The following LARGE1 variants were observed in gnomAD, a reference collection of about 807,000 sequenced individuals.
LARGE1 encodes xylosyl- and glucuronyltransferase LARGE1.
LARGE1 carries 43 observed loss-of-function variants against 87.6 expected under a neutral mutation model. The ratio of observed to expected loss-of-function variants is 0.49; its 90% CI spans 0.38 to 0.63. LARGE1 has a LOEUF of 0.63. Ranked by LOEUF, LARGE1 falls within the 30% of genes least tolerant of loss-of-function variation. The pLI, the probability that LARGE1 is intolerant of heterozygous loss-of-function variation, is 0.00. For missense variants in LARGE1, 802 were observed against 1,000.2 expected (o/e 0.80, Z 2.67); for synonymous variants, 434 against 394.6 (o/e 1.10, Z -1.18).
In LARGE1 at chr22:33,503,777, C is replaced by T. The variant is rs553997327; in HGVS notation, c.787+61071G>A. Reference sequence around the variant, plus strand: ...TCGCATCACTGCACTCTAGCCTGGGCGACAGAGCAAGACTCTGTCTCAAAA... The same window carrying T: ...TCGCATCACTGCACTCTAGCCTGGGTGACAGAGCAAGACTCTGTCTCAAAA... On this transcript the variant is annotated intron_variant, in intron 6 of 14. Transcript: ENST00000397394. 2.1e-3 allele frequency among the ~76,000 whole-genome samples: 324 copies of T among 151,622 alleles called. 3 individuals are homozygous for T. Among genetic ancestry groups the T allele is most frequent in the African/African-American group, 7.6e-3 (313 of 41,368 alleles).
At chr22:33,495,986 G>T (rs186903955) in intron 6 of LARGE1, among the ~76,000 whole-genome samples, 5 of 152,236 alleles carry the variant, frequency 3.3e-5, no homozygotes, top group African/African-American at 1.2e-4. Flanking sequence ...ATAAAGGGAA[G>T]TTATTAAGGA....
chr22:33,691,312 G>C (rs1009597056), intron 2 of LARGE1, among the ~76,000 whole-genome samples: 1 of 152,010 alleles, frequency 6.6e-6, no homozygotes, highest in Non-Finnish European at 1.5e-5. Context: ...TACTCGTCAG[G>C]AGAAATGGTT....
At chr22:33,191,407 G>A (rs552495252) in intron 11 of LARGE1, among the ~76,000 whole-genome samples, 3 of 152,290 alleles carry the variant, frequency 2.0e-5, no homozygotes, top group East Asian at 3.9e-4. Flanking sequence ...GGAGCGGTGC[G>A]CCCAGGAACT....
At chr22:33,676,750 T>C (rs2081592365) in intron 2 of LARGE1, among the ~76,000 whole-genome samples, 1 of 152,176 alleles carries the variant, frequency 6.6e-6, no homozygotes, top group Non-Finnish European at 1.5e-5. Context: ...TGGGCCAAAA[T>C]ACTCAGTGGT....
At chr22:33,416,141 T>C (rs2066477429) in intron 7 of LARGE1, among the ~76,000 whole-genome samples, 1 of 152,140 alleles carries the variant, frequency 6.6e-6, no homozygotes, top group African/African-American at 2.4e-5. Flanking sequence ...ACCCAAAATG[T>C]GACAAAGGGA....
chr22:33,703,789 G>C (rs2082472372), intron 2 of LARGE1, among the ~76,000 whole-genome samples: 1 of 152,244 alleles, frequency 6.6e-6, no homozygotes, highest in Non-Finnish European at 1.5e-5. Flanking sequence ...CAGTGAGACT[G>C]ATTTTGGACT....
At chr22:33,607,190 C>T (rs1602684807) in intron 4 of LARGE1, among the ~76,000 whole-genome samples, 2 of 151,972 alleles carry the variant, frequency 1.3e-5, no homozygotes, top group African/African-American at 4.8e-5. Context: ...GGCCAGGTGC[C>T]GTGGCTCATA....
chr22:33,432,562 A>ATCATTCATTCATTCAT (rs10626676), intron 6 of LARGE1, among the ~76,000 whole-genome samples: 11 of 150,432 alleles, frequency 7.3e-5, no homozygotes, highest in African/African-American at 2.7e-4. Flanking sequence ...AGAATCCCAA[A>ATCATTCATTCATTCAT]TCATTCATTC....
intron 2 of LARGE1, among the ~76,000 whole-genome samples, chr22:33,653,572 T>C (rs1602997300): frequency 6.6e-6 from 1 of 152,148 alleles, no homozygotes; most frequent in Non-Finnish European, 1.5e-5. Flanking sequence ...TTTTTTCTTC[T>C]GTGAAATGGG....
chr22:33,668,957 A>G (rs1424916672), intron 2 of LARGE1, among the ~76,000 whole-genome samples: 1 of 152,222 alleles, frequency 6.6e-6, no homozygotes, highest in Non-Finnish European at 1.5e-5. Context: ...CAGCACTCAC[A>G]AGGACCCTTC....
intron 6 of LARGE1, among the ~76,000 whole-genome samples, chr22:33,446,835 G>T (rs2067704551): frequency 1.3e-5 from 2 of 152,306 alleles, no homozygotes; most frequent in Non-Finnish European, 2.9e-5. Flanking sequence ...AGTGTCCCTT[G>T]GAGTTGAGTG....
chr22:33,282,827 C>T (rs1019334872), intron 13 of LARGE1, among the ~76,000 whole-genome samples: 1 of 152,198 alleles, frequency 6.6e-6, no homozygotes, highest in South Asian at 2.1e-4. Flanking sequence ...ACCTACCAGA[C>T]GAATGAATGG....
chr22:33,607,108 G>A (rs1028659251), intron 4 of LARGE1, among the ~76,000 whole-genome samples: 6 of 152,148 alleles, frequency 3.9e-5, no homozygotes, highest in African/African-American at 1.2e-4. Flanking sequence ...GAGGGGAACA[G>A]ATGTAGACAT....
the LARGE1 span, among the ~76,000 whole-genome samples, chr22:33,099,987 A>G: frequency 6.6e-6 from 1 of 152,230 alleles, no homozygotes; most frequent in African/African-American, 2.4e-5. Context: ...GGAACAATAA[A>G]TCTAGACTCT....
intron 6 of LARGE1, among the ~76,000 whole-genome samples, chr22:33,543,242 G>A (rs1170863453): frequency 6.6e-6 from 1 of 151,800 alleles, no homozygotes; most frequent in Non-Finnish European, 1.5e-5. Flanking sequence ...AGGATGGTGA[G>A]CCCAAGTAGT....
At chr22:33,322,305 T>C (rs893331350) in intron 10 of LARGE1, among the ~76,000 whole-genome samples, 3 of 152,206 alleles carry the variant, frequency 2.0e-5, no homozygotes, top group East Asian at 1.9e-4. Context: ...CTATATCCAA[T>C]GTTAACAAAG....
At chr22:33,483,802 G>T (rs1427552411) in intron 6 of LARGE1, among the ~76,000 whole-genome samples, 1 of 152,170 alleles carries the variant, frequency 6.6e-6, no homozygotes, top group Non-Finnish European at 1.5e-5. Flanking sequence ...AAACAGGGAT[G>T]AAAGAATTGG....
chr22:33,113,365 G>A, the LARGE1 span, among the ~76,000 whole-genome samples: 5 of 152,084 alleles, frequency 3.3e-5, no homozygotes, highest in South Asian at 8.3e-4. Flanking sequence ...GTGCCACCAC[G>A]CCTGGCTAAT....
intron 6 of LARGE1, chr22:33,563,264 C>G (rs1327203615): frequency 7.2e-5 from 11 of 152,346 alleles, no homozygotes; most frequent in African/African-American, 2.6e-4. Context: ...CCATTCTCAT[C>G]TGATGAGACA....
Sources: allele counts gnomAD v4.1 joint callset (sites outside exome capture counted in the v4.1 genomes callset), GRCh38; gene constraint gnomAD v4.1.1; transcripts MANE v1.5; gene names NCBI Gene and HGNC (gene_info 2026-07-23, HGNC 2026-07-21).